Variants in CLDN10 observed in about 807,000 individuals in gnomAD.
CLDN10 encodes claudin 10.
In CLDN10, 15 loss-of-function variants were observed where a neutral mutation model predicts 22.9. The ratio of observed to expected loss-of-function variants is 0.65; its 90% CI spans 0.44 to 1.01. The LOEUF is 1.01. Ranked by LOEUF, CLDN10 falls within the 50% of genes least tolerant of loss-of-function variation. CLDN10 has a pLI of 0.00. For synonymous variants in CLDN10, 114 were observed against 111.4 expected, an observed-to-expected ratio of 1.02 and a Z score of -0.15; for missense variants, 247 against 287.8, an observed-to-expected ratio of 0.86 and a Z score of 1.03.
intron 1 of CLDN10, among the ~76,000 whole-genome samples, chr13:95,497,694 T>C (rs1454605690): frequency 6.6e-6 from 1 of 152,230 alleles, no homozygotes; most frequent in Admixed American, 6.5e-5. Flanking sequence ...GGTCCCTTTA[T>C]GTAACAGGCA....
intron 1 of CLDN10, among the ~76,000 whole-genome samples, chr13:95,559,588 G>T (rs375257670): frequency 2.6e-5 from 4 of 152,132 alleles, no homozygotes; most frequent in African/African-American, 9.7e-5. Context: ...ATTAATAAGC[G>T]TCCACTAATA....
intron 1 of CLDN10, among the ~76,000 whole-genome samples, chr13:95,463,573 T>A (rs1382365779): frequency 6.6e-6 from 1 of 151,644 alleles, no homozygotes; most frequent in African/African-American, 2.4e-5. Flanking sequence ...AATCAAGCAA[T>A]ACTCCCACTT....
rs556269715 is a variant in CLDN10, at chr13:95,531,947, G to T, written c.215-28185G>T. ...AGGAATTTAAACAAATGGTGCTAAA[G>T]TAGCCAGAGAGCCATATGGAAAAAT... On this transcript the variant is annotated intron_variant, in intron 1 of 4. Coordinates refer to the CLDN10 transcript ENST00000376873. Among the ~76,000 whole-genome samples the T allele has an allele frequency of 2.0e-5, 3 of 152,234 alleles. No homozygotes were observed. In the East Asian group the frequency reaches 5.8e-4, roughly 29 times the overall value.
In CLDN10 at chr13:95,577,305, G is replaced by A; in HGVS notation, c.539G>A (p.Cys180Tyr). 6.2e-7 allele frequency: 1 copy of A among 1,613,970 alleles called. No homozygotes were observed. Residue 180 changes from cysteine (C) to tyrosine (Y), a missense_variant, in exon 4 of 5, where the codon TGC becomes TAC. Coordinates refer to ENST00000299339, the MANE Select transcript of CLDN10 (RefSeq NM_006984.5). ...TGCATAATTGGTGGTGTCATATTTT[G>A]CTTTTCAATATCTGACAACAACAAA... is the stretch of plus-strand genomic sequence containing the variant. ...SLCIIGGVIFCFSISDNNKTP... is the reference protein window; with the variant it reads ...SLCIIGGVIFYFSISDNNKTP...
intron 1 of CLDN10, among the ~76,000 whole-genome samples, chr13:95,488,721 T>C (rs1334427186): frequency 1.4e-4 from 21 of 152,184 alleles, no homozygotes; most frequent in Admixed American, 1.4e-3. Flanking sequence ...CTGCGTAGTA[T>C]TCCATCATAT....
chr13:95,546,955 C>A (rs940635499), intron 1 of CLDN10, among the ~76,000 whole-genome samples: 1 of 151,746 alleles, frequency 6.6e-6, no homozygotes, highest in Non-Finnish European at 1.5e-5. Flanking sequence ...TCACTTCTTT[C>A]ATTTATTTTT....
At chr13:95,520,110 C>G (rs12865002) in intron 1 of CLDN10, among the ~76,000 whole-genome samples, 14,843 of 152,062 alleles carry the variant, frequency 0.098, 918 homozygotes, top group Middle Eastern at 0.12. Context: ...GCATTCACAC[C>G]CATGATAATA....
intron 1 of CLDN10, chr13:95,479,979 C>T (rs199962180): frequency 6.6e-6 from 1 of 152,256 alleles, no homozygotes; most frequent in East Asian, 1.9e-4. Flanking sequence ...AAGACATACC[C>T]AAGACTGGGG....
chr13:95,535,913 A>C (rs1218103780), intron 1 of CLDN10, among the ~76,000 whole-genome samples: 1 of 152,210 alleles, frequency 6.6e-6, no homozygotes, highest in Non-Finnish European at 1.5e-5. Context: ...AAAAAGGTGC[A>C]GAGAAAACAA....
At chr13:95,534,221 G>A (rs2043376276) in intron 1 of CLDN10, among the ~76,000 whole-genome samples, 1 of 152,054 alleles carries the variant, frequency 6.6e-6, no homozygotes, top group Admixed American at 6.6e-5. Context: ...GGTTACATAT[G>A]AAAACACACA....
intron 1 of CLDN10, among the ~76,000 whole-genome samples, chr13:95,525,301 A>C (rs2043269119): frequency 6.6e-6 from 1 of 152,032 alleles, no homozygotes; most frequent in South Asian, 2.1e-4. Flanking sequence ...TTCTTTGGAG[A>C]AATGTCTATT....
rs867398877 is a variant in CLDN10 at position 95,552,725 on chromosome 13, G to T, written c.-29G>T. ...GGGGTCGCGGCGCAGAGTGGGAGCC[G>T]GAGAGCGAGCGCGGCTGCAGCCGGC... On this transcript the variant is annotated 5_prime_UTR_variant, in exon 1 of 5. Coordinates refer to ENST00000299339, the MANE Select transcript of CLDN10 (RefSeq NM_006984.5). 3 of 1,594,154 alleles carry T rather than the reference G, an allele frequency of 1.9e-6. No individual in the cohort carries two copies. The African/African-American group carries it at 4.0e-5, about 21-fold the overall frequency.
chr13:95,561,419 T>C (rs1271004439), intron 3 of CLDN10, among the ~76,000 whole-genome samples: 1 of 152,202 alleles, frequency 6.6e-6, no homozygotes, highest in Non-Finnish European at 1.5e-5. Flanking sequence ...AATGCTTATA[T>C]CATGAAATAA....
In CLDN10 at chr13:95,568,951, GA is replaced by G. The variant is rs200188591; in HGVS notation, c.465-8278del. Among the ~76,000 whole-genome samples, 1,208 of 152,238 alleles carry G rather than the reference GA, an allele frequency of 7.9e-3. 16 individuals are homozygous for G. The highest frequency in any genetic ancestry group is 0.027 in the African/African-American group (1,140 of 41,526). ...CACTTTCTAGCTGTGTAACTTTGAA[GA>G]AGTTACTTACCCTTTCTGTGCCCAG... is the stretch of plus-strand genomic sequence containing the variant. On this transcript the variant is annotated intron_variant, in intron 3 of 4. Coordinates refer to ENST00000299339, the MANE Select transcript of CLDN10 (RefSeq NM_006984.5).
chr13:95,547,162 T>G (rs989139396), intron 1 of CLDN10, among the ~76,000 whole-genome samples: 13 of 151,730 alleles, frequency 8.6e-5, no homozygotes, highest in Middle Eastern at 3.4e-3. Flanking sequence ...CTGGGAGAGA[T>G]TACAGGCACC....
intron 3 of CLDN10, among the ~76,000 whole-genome samples, chr13:95,569,203 A>C (rs570368312): frequency 7.2e-6 from 1 of 138,538 alleles, no homozygotes; most frequent in Non-Finnish European, 1.7e-5. Flanking sequence ...TGTATGTTGA[A>C]ATGTTGGAGA....
chr13:95,516,036 T>C (rs2043163808), intron 1 of CLDN10, among the ~76,000 whole-genome samples: 1 of 150,510 alleles, frequency 6.6e-6, no homozygotes. Flanking sequence ...ATTATACCAC[T>C]GCACTCCAGC....
chr13:95,556,865 C>G (rs2043646499), intron 1 of CLDN10, among the ~76,000 whole-genome samples: 1 of 152,210 alleles, frequency 6.6e-6, no homozygotes. Flanking sequence ...TGCTGATTTG[C>G]AATTGAAAAT....
rs867398877 is a variant in CLDN10, at chr13:95,552,725, G to C, written c.-29G>C. ...GGGGTCGCGGCGCAGAGTGGGAGCC[G>C]GAGAGCGAGCGCGGCTGCAGCCGGC... On this transcript the variant is annotated 5_prime_UTR_variant, in exon 1 of 5. Coordinates refer to ENST00000299339, the MANE Select transcript of CLDN10 (RefSeq NM_006984.5). 6 of 1,594,154 alleles carry C rather than the reference G, an allele frequency of 3.8e-6. No homozygotes were observed. The highest frequency in any genetic ancestry group is 5.1e-6 in the Non-Finnish European group (6 of 1,171,338).
Sources: gnomAD v4.1 joint callset for allele counts (sites outside exome capture counted in the v4.1 genomes callset) on GRCh38, gnomAD v4.1.1 for gene constraint, MANE v1.5 for transcripts, NCBI Gene and HGNC (gene_info 2026-07-23, HGNC 2026-07-21) for gene names.